HS6ST2: variants seen among roughly 807,000 people sequenced by gnomAD.
The protein encoded by HS6ST2 is heparan-sulfate 6-O-sulfotransferase 2.
In HS6ST2, 17 loss-of-function variants were observed where a neutral mutation model predicts 33.0. The observed-to-expected ratio is 0.52, with a 90% CI of 0.35 to 0.77. The LOEUF (loss-of-function observed/expected upper bound fraction) is 0.77. Among genes scored for constraint, HS6ST2 ranks in the 30% least tolerant of loss-of-function variants. HS6ST2 has a pLI of 0.01. For synonymous variants in HS6ST2, 248 were observed against 237.1 expected (o/e 1.05, Z -0.42); for missense variants, 519 against 551.7 (o/e 0.94, Z 0.59).
At chrX:132,784,482 G>A (rs2065043757) in intron 2 of HS6ST2, among the ~76,000 whole-genome samples, 1 of 110,973 alleles carries the variant, frequency 9.0e-6, no homozygotes, top group Non-Finnish European at 1.9e-5. Context: ...GCTAGTTTTT[G>A]TATTTTTAGT....
intron 2 of HS6ST2, among the ~76,000 whole-genome samples, chrX:132,873,225 T>C (rs1426857742): frequency 8.9e-6 from 1 of 111,860 alleles, no homozygotes; most frequent in Non-Finnish European, 1.9e-5. Flanking sequence ...GGCTCGATGC[T>C]CCACTCACTC....
intron 2 of HS6ST2, among the ~76,000 whole-genome samples, chrX:132,816,798 G>A (rs745867497): frequency 1.2e-4 from 13 of 111,423 alleles, no homozygotes; most frequent in South Asian, 3.8e-4. Context: ...TGAAGCTTCC[G>A]GGCCCTAGGA....
At chrX:132,888,173 C>T (rs938148373) in intron 2 of HS6ST2, among the ~76,000 whole-genome samples, 1 of 111,250 alleles carries the variant, frequency 9.0e-6, no homozygotes, top group East Asian at 2.8e-4. Context: ...AGTTTGTATT[C>T]GTCTGTTCTC....
chrX:132,851,707 A>C (rs2065803218), intron 2 of HS6ST2, among the ~76,000 whole-genome samples: 1 of 111,461 alleles, frequency 9.0e-6, no homozygotes, highest in Admixed American at 9.5e-5. Context: ...ATTTGGGGGG[A>C]AAGTGAAAAA....
At chrX:132,808,495 C>G (rs2148361833) in intron 2 of HS6ST2, among the ~76,000 whole-genome samples, 1 of 111,639 alleles carries the variant, frequency 9.0e-6, no homozygotes, top group East Asian at 2.8e-4. Context: ...CTCCAAAATC[C>G]TAGCACTTGG....
chrX:132,685,848 A>C (rs1225311548), intron 3 of HS6ST2, among the ~76,000 whole-genome samples: 1 of 112,311 alleles, frequency 8.9e-6, no homozygotes, highest in Non-Finnish European at 1.9e-5. Context: ...TGTACTAACC[A>C]ATACAGCAAC....
chrX:132,755,430 C>T (rs2064749224), intron 2 of HS6ST2, among the ~76,000 whole-genome samples: 1 of 111,074 alleles, frequency 9.0e-6, no homozygotes, highest in Non-Finnish European at 1.9e-5. Context: ...GCCCTGGTTG[C>T]TTTTATTGAA....
At chrX:132,845,771 C>T (rs2065745924) in intron 2 of HS6ST2, among the ~76,000 whole-genome samples, 1 of 111,210 alleles carries the variant, frequency 9.0e-6, no homozygotes, top group Admixed American at 9.6e-5. Flanking sequence ...TCTCAAAAGC[C>T]CTCGGTGCCT....
chrX:132,851,569 G>A (rs949211106), intron 2 of HS6ST2, among the ~76,000 whole-genome samples: 1 of 112,449 alleles, frequency 8.9e-6, no homozygotes, highest in African/African-American at 3.2e-5. Flanking sequence ...GAGGGTTAAT[G>A]TGGGCAATGG....
chrX:132,711,890 C>G (rs902484331), intron 2 of HS6ST2, among the ~76,000 whole-genome samples: 3 of 111,601 alleles, frequency 2.7e-5, no homozygotes, highest in African/African-American at 3.3e-5. Flanking sequence ...CCACCCTCCA[C>G]ATTTCTCTTT....
chrX:132,889,149 A>G (rs1038667757), intron 2 of HS6ST2, among the ~76,000 whole-genome samples: 11 of 110,319 alleles, frequency 1.0e-4, no homozygotes, highest in African/African-American at 3.6e-4. Context: ...ATGGCAAGAG[A>G]GGAATACAAG....
chrX:132,638,080 G>T (rs1297686623), intron 4 of HS6ST2, among the ~76,000 whole-genome samples: 1 of 99,373 alleles, frequency 1.0e-5, no homozygotes, highest in Non-Finnish European at 2.0e-5. Flanking sequence ...AATAGTTGGG[G>T]TGGTTGTATA....
intron 4 of HS6ST2, among the ~76,000 whole-genome samples, chrX:132,637,901 ATAT>A (rs1268971846): frequency 2.4e-4 from 12 of 49,898 alleles, no homozygotes; most frequent in African/African-American, 1.2e-3. Flanking sequence ...TTTATATATA[ATAT>A]TATATATAAT....
At chrX:132,696,901 CTTAGAGTA>C (rs2064108920) in intron 3 of HS6ST2, among the ~76,000 whole-genome samples, 1 of 111,563 alleles carries the variant, frequency 9.0e-6, no homozygotes, top group Non-Finnish European at 1.9e-5. Flanking sequence ...TGACCCTTAC[CTTAGAGTA>C]TTTAAAATAC....
intron 2 of HS6ST2, among the ~76,000 whole-genome samples, chrX:132,805,090 G>C (rs1275059365): frequency 9.0e-6 from 1 of 111,206 alleles, no homozygotes; most frequent in African/African-American, 3.3e-5. Context: ...AAGGTGAAAG[G>C]AGCCAGGACC....
chrX:132,934,560 T>C (rs2066805692), intron 2 of HS6ST2, among the ~76,000 whole-genome samples: 1 of 111,754 alleles, frequency 8.9e-6, no homozygotes, highest in East Asian at 2.8e-4. Context: ...ATGAAGTAGA[T>C]TCTGATAATT....
chrX:132,751,945 C>T (rs2064710825), intron 2 of HS6ST2, among the ~76,000 whole-genome samples: 1 of 112,037 alleles, frequency 8.9e-6, no homozygotes. Context: ...TTTGAATTAG[C>T]TCCTTTAATC....
chrX:132,868,154 A>T (rs2066011663), intron 2 of HS6ST2, among the ~76,000 whole-genome samples: 1 of 111,906 alleles, frequency 8.9e-6, no homozygotes, highest in African/African-American at 3.3e-5. Flanking sequence ...GATGAAACAG[A>T]CTTTAAACCA....
At chrX:132,857,774 G>A (rs1418720976) in intron 2 of HS6ST2, among the ~76,000 whole-genome samples, 5 of 111,741 alleles carry the variant, frequency 4.5e-5, no homozygotes, top group Non-Finnish European at 9.4e-5. Context: ...ACTTTTGTCT[G>A]TTTAGGTTCA....
Sources: allele counts gnomAD v4.1 joint callset (sites outside exome capture counted in the v4.1 genomes callset), GRCh38; gene constraint gnomAD v4.1.1; transcripts MANE v1.5; gene names NCBI Gene and HGNC (gene_info 2026-07-23, HGNC 2026-07-21).